TENM3: variants seen among roughly 807,000 people sequenced by gnomAD.
TENM3 encodes the protein teneurin transmembrane protein 3.
A neutral mutation model predicts 255.1 loss-of-function variants in TENM3; 63 were observed. That is an observed-to-expected ratio of 0.25 (90% CI 0.20 to 0.30). TENM3 has a LOEUF of 0.30. Ranked by LOEUF, TENM3 falls within the 10% of genes least tolerant of loss-of-function variation. TENM3 has a pLI of 1.00. For missense variants in TENM3, 2,929 were observed against 3,461.1 expected (o/e 0.85, Z 3.86); for synonymous variants, 1,306 against 1,322.3 (o/e 0.99, Z 0.27).
chr4:182,292,131 G>A (rs749779883), intron 1 of TENM3, among the ~76,000 whole-genome samples: 5 of 152,036 alleles, frequency 3.3e-5, no homozygotes, highest in Non-Finnish European at 7.4e-5. Context: ...GAACAATTTG[G>A]CACTGCTATA....
chr4:182,264,555 TCCTGTG>T (rs1338948840), intron 1 of TENM3, among the ~76,000 whole-genome samples: 1 of 152,222 alleles, frequency 6.6e-6, no homozygotes, highest in Non-Finnish European at 1.5e-5. Flanking sequence ...ACAGAGACTG[TCCTGTG>T]CTGTAGCTCA....
Position 182,228,392 on chromosome 4 carries a change from G to GTGTGTGTGTATA in TENM3, c.-76+83639_-76+83640insGTGTGTGTATAT, listed in dbSNP as rs139457090. ...TGTGTGTGTGTGTGTGTGTGTGTGTGTATATGTAATCCCTCCCAGCTCTAA... is the reference window on the plus strand; with the variant it reads ...TGTGTGTGTGTGTGTGTGTGTGTGTGTGTGTGTGTATATATATGTAATCCCTCCCAGCTCTAA... On this transcript the variant is annotated intron_variant, in intron 1 of 2. Coordinates refer to the TENM3 transcript ENST00000512480. Among the ~76,000 whole-genome samples the GTGTGTGTGTATA allele has an allele frequency of 1.0e-3, 104 of 104,516 alleles. 13 individuals are homozygous for GTGTGTGTGTATA. Among genetic ancestry groups the GTGTGTGTGTATA allele is most frequent in the African/African-American group, 4.2e-3 (95 of 22,472 alleles). 68.6% of individuals were successfully genotyped at this position (104,516 alleles called of 152,430 possible).
At chr4:181,525,775 A>G in the TENM3 span, among the ~76,000 whole-genome samples, 1 of 152,196 alleles carries the variant, frequency 6.6e-6, no homozygotes, top group African/African-American at 2.4e-5. Context: ...GTGGGGTGGC[A>G]GGTTTTCTTA....
chr4:182,612,636 G>A (rs11736660), intron 4 of TENM3, among the ~76,000 whole-genome samples: 87 of 152,256 alleles, frequency 5.7e-4, no homozygotes, highest in South Asian at 3.5e-3. Context: ...TAGAGACTGC[G>A]TAAATTTGGA....
chr4:181,838,463 CT>C, the TENM3 span, among the ~76,000 whole-genome samples: 1 of 152,082 alleles, frequency 6.6e-6, no homozygotes, highest in Non-Finnish European at 1.5e-5. Flanking sequence ...ACTTTCTCTT[CT>C]TTTTTACATT....
At chr4:182,696,357 G>A (rs768241130) in intron 12 of TENM3, among the ~76,000 whole-genome samples, 3 of 152,088 alleles carry the variant, frequency 2.0e-5, no homozygotes, top group Non-Finnish European at 4.4e-5. Context: ...GTCATATAAA[G>A]AGGCAATCAA....
At chr4:182,074,094 A>G in the TENM3 span, among the ~76,000 whole-genome samples, 1 of 152,224 alleles carries the variant, frequency 6.6e-6, no homozygotes, top group Non-Finnish European at 1.5e-5. Flanking sequence ...GCAGGGTCCC[A>G]GCTCTGTTAT....
At chr4:182,187,125 TA>T (rs1356000385) in intron 1 of TENM3, among the ~76,000 whole-genome samples, 4 of 152,020 alleles carry the variant, frequency 2.6e-5, no homozygotes, top group African/African-American at 9.7e-5. Context: ...TAATGGTCTG[TA>T]AACTTTGCAA....
At chr4:182,173,753 C>T (rs1752259718) in intron 1 of TENM3, among the ~76,000 whole-genome samples, 1 of 152,130 alleles carries the variant, frequency 6.6e-6, no homozygotes, top group Non-Finnish European at 1.5e-5. Context: ...AGAGAAAAAT[C>T]ACATATACAG....
rs1459034602 is a variant in TENM3, at chr4:182,628,859, C to A, written c.958C>A (p.Leu320Ile). Residue 320 changes from leucine (L) to isoleucine (I), a missense_variant, in exon 5 of 28, where the codon CTC becomes ATC. Physicochemically the swap from Leu to Ile is conservative, Grantham distance 5. This residue lies in a region of TENM3 where 1,608 missense variants were observed against 1,884.4 expected (regional missense o/e 0.85). Coordinates refer to ENST00000511685, the MANE Select transcript of TENM3 (RefSeq NM_001080477.4). ...ACTGTGTGCCGTAGGGGTCTCGGTG[C>A]TCCTGGCAATACTCCTGTCTTATTT... is the stretch of plus-strand genomic sequence containing the variant. The part of the protein sequence containing the change: ...TALCAVGVSV[L>I]LAILLSYFIA... 1.7e-5 allele frequency: 27 copies of A among 1,605,586 alleles called. No individual in the cohort carries two copies. Among genetic ancestry groups the A allele is most frequent in the East Asian group, 4.5e-5 (2 of 44,764 alleles).
intron 10 of TENM3, 91 bp downstream of exon 10, chr4:182,680,828 T>A: frequency 9.8e-7 from 1 of 1,017,896 alleles, no homozygotes. Context: ...ATCTCTTTTA[T>A]ACGCTTCCTT....
chr4:181,701,224 G>A, the TENM3 span, among the ~76,000 whole-genome samples: 1 of 152,234 alleles, frequency 6.6e-6, no homozygotes, highest in South Asian at 2.1e-4. Flanking sequence ...CAAAGTAATC[G>A]GTGTGTGTCA....
the TENM3 span, among the ~76,000 whole-genome samples, chr4:181,948,610 G>A: frequency 6.6e-6 from 1 of 151,994 alleles, no homozygotes; most frequent in Non-Finnish European, 1.5e-5. Context: ...TAGCGACAGG[G>A]TTTCACCATG....
At chr4:181,922,572 G>T in the TENM3 span, among the ~76,000 whole-genome samples, 1 of 152,094 alleles carries the variant, frequency 6.6e-6, no homozygotes, top group South Asian at 2.1e-4. Context: ...TGTGGGATCG[G>T]TGGTGATATC....
At chr4:182,636,723 A>G (rs1385366334) in intron 5 of TENM3, among the ~76,000 whole-genome samples, 3 of 143,392 alleles carry the variant, frequency 2.1e-5, no homozygotes, top group African/African-American at 8.3e-5. Flanking sequence ...TCTCAAAAAA[A>G]AAAAAAGAAA....
the TENM3 span, among the ~76,000 whole-genome samples, chr4:181,708,543 G>A: frequency 2.0e-5 from 3 of 149,200 alleles, no homozygotes; most frequent in Non-Finnish European, 4.4e-5. Context: ...CTTTGGTTTT[G>A]TTTTGTTCTG....
chr4:182,799,362 T>G lies in TENM3; in HGVS notation c.7345-234T>G, dbSNP rs368681854. On this transcript the variant is annotated intron_variant, in intron 27 of 27. Coordinates refer to ENST00000511685, the MANE Select transcript of TENM3 (RefSeq NM_001080477.4). This position sits in a 1 kb window ranked among gnomAD's most constrained non-coding sequence, Gnocchi z 4.2. ...TTCCCATGTTAGAAACGAAGAAAGCTTTAAAGTGATCCACGATGAGTGAGC... is the reference window on the plus strand; with the variant it reads ...TTCCCATGTTAGAAACGAAGAAAGCGTTAAAGTGATCCACGATGAGTGAGC... Among the ~76,000 whole-genome samples the G allele has an allele frequency of 9.7e-4, 148 of 152,300 alleles. No individual in the cohort carries two copies. The highest frequency in any genetic ancestry group is 3.2e-3 in the African/African-American group (135 of 41,560).
chr4:181,920,227 A>G, the TENM3 span, among the ~76,000 whole-genome samples: 74 of 152,202 alleles, frequency 4.9e-4, no homozygotes, highest in African/African-American at 1.7e-3. Context: ...AGCATGATTT[A>G]TAGTCCTTTG....
chr4:182,650,889 A>AAAATAAATATAT (rs1281790163), intron 5 of TENM3, among the ~76,000 whole-genome samples: 1 of 29,774 alleles, frequency 3.4e-5, no homozygotes, highest in South Asian at 8.8e-4. Flanking sequence ...AATAAAAAAA[A>AAAATAAATATAT]ATATATATAT....
Sources: allele counts gnomAD v4.1 joint callset (sites outside exome capture counted in the v4.1 genomes callset), GRCh38; gene constraint gnomAD v4.1.1; regional missense constraint gnomAD v4.1.1; non-coding constraint Gnocchi (gnomAD v3.1); transcripts MANE v1.5; gene names NCBI Gene and HGNC (gene_info 2026-07-23, HGNC 2026-07-21).